SPATA16: variants seen among roughly 807,000 people sequenced by gnomAD.
SPATA16 encodes the protein spermatogenesis associated 16, also known as spermatogenesis-associated protein 16.
Under a neutral mutation model 63.3 loss-of-function variants are expected in SPATA16, and 36 were observed. The ratio of observed to expected loss-of-function variants is 0.57; its 90% confidence interval spans 0.44 to 0.75. The LOEUF is 0.75. Among genes scored for constraint, SPATA16 ranks in the 30% least tolerant of loss-of-function variants. The pLI, the probability that SPATA16 is intolerant of heterozygous loss-of-function variation, is 0.00. For missense variants in SPATA16, 646 were observed against 679.3 expected, an observed-to-expected ratio of 0.95 and a Z score of 0.54; for synonymous variants, 203 against 216.7, an observed-to-expected ratio of 0.94 and a Z score of 0.56.
At chr3:172,919,780 CA>C (rs1216383597) in intron 8 of SPATA16, among the ~76,000 whole-genome samples, 2 of 151,512 alleles carry the variant, frequency 1.3e-5, no homozygotes, top group African/African-American at 4.9e-5. Flanking sequence ...CAGGTTCAAG[CA>C]ATTCTCTTGC....
intron 3 of SPATA16, among the ~76,000 whole-genome samples, chr3:173,042,562 T>C (rs1735868198): frequency 6.6e-6 from 1 of 152,202 alleles, no homozygotes; most frequent in Non-Finnish European, 1.5e-5. Flanking sequence ...CTTATTTCTA[T>C]TACCACTGAA....
rs1735269795 is a variant in SPATA16 at position 173,019,528 on chromosome 3, G to T, written c.806C>A (p.Ala269Glu). 1.2e-6 allele frequency: 2 copies of T among 1,614,032 alleles called. No homozygotes were observed. The highest frequency in any genetic ancestry group is 1.7e-6 in the Non-Finnish European group (2 of 1,179,958). ...PAYFRNHLRQ[A>E]TVFRCLERYS... ...CCTCTCCAGACATCTAAACACTGTT[G>T]CTTGACGAAGATGATTCCGGAAATA... The change falls in exon 4 of 11, where the codon GCA becomes GAA. Residue 269 changes from alanine to glutamate, a missense_variant. Ala to Glu is a moderately radical substitution (Grantham distance 107). Coordinates refer to ENST00000351008, the MANE Select transcript of SPATA16 (RefSeq NM_031955.6).
chr3:172,900,788 A>G (rs899644609), intron 10 of SPATA16, among the ~76,000 whole-genome samples: 15 of 151,752 alleles, frequency 9.9e-5, no homozygotes, highest in African/African-American at 3.4e-4. Flanking sequence ...TTATAGGCAC[A>G]TGCCACCACG....
At chr3:173,038,507 C>T (rs1735766290) in intron 3 of SPATA16, among the ~76,000 whole-genome samples, 1 of 152,012 alleles carries the variant, frequency 6.6e-6, no homozygotes, top group Admixed American at 6.6e-5. Context: ...TTCATCAGCT[C>T]TCTATGTTTC....
chr3:173,100,883 T>A (rs1737476838), intron 2 of SPATA16, among the ~76,000 whole-genome samples: 1 of 152,054 alleles, frequency 6.6e-6, no homozygotes, highest in Admixed American at 6.6e-5. Flanking sequence ...AGAGAAAAAT[T>A]CAATAAATAT....
intron 3 of SPATA16, among the ~76,000 whole-genome samples, chr3:173,020,103 C>T (rs1290574852): frequency 6.6e-6 from 1 of 151,896 alleles, no homozygotes; most frequent in Non-Finnish European, 1.5e-5. Flanking sequence ...CAAGAACAGC[C>T]TGGCCAACAT....
At chr3:172,974,194 AATTTTTAC>A (rs1329250258) in intron 5 of SPATA16, among the ~76,000 whole-genome samples, 3 of 152,156 alleles carry the variant, frequency 2.0e-5, no homozygotes. Context: ...CGTGTTCTCA[AATTTTTAC>A]ATTCTGAAAT....
At chr3:172,894,520 C>T (rs1166376585) in intron 10 of SPATA16, among the ~76,000 whole-genome samples, 1 of 149,628 alleles carries the variant, frequency 6.7e-6, no homozygotes, top group Non-Finnish European at 1.5e-5. Context: ...AACTATATCA[C>T]CAACTCTTGA....
At chr3:173,111,420 A>C (rs1737747487) in intron 2 of SPATA16, among the ~76,000 whole-genome samples, 2 of 152,176 alleles carry the variant, frequency 1.3e-5, no homozygotes, top group Non-Finnish European at 2.9e-5. Flanking sequence ...AAATCAAAAA[A>C]CAACAACAAT....
At chr3:172,984,764 C>CCTGCTAGT (rs1447049604) in intron 4 of SPATA16, among the ~76,000 whole-genome samples, 2 of 152,120 alleles carry the variant, frequency 1.3e-5, no homozygotes, top group African/African-American at 4.8e-5. Context: ...TTACTGCCTT[C>CCTGCTAGT]CTGCTAGTCT....
intron 1 of SPATA16, among the ~76,000 whole-genome samples, chr3:173,134,516 G>T (rs781463837): frequency 6.6e-6 from 1 of 151,826 alleles, no homozygotes; most frequent in African/African-American, 2.4e-5. Flanking sequence ...GTAAGCCATT[G>T]TAAAGCAAGG....
Position 172,893,640 on chromosome 3 carries a change from C to T in SPATA16, c.1588-3948G>A, listed in dbSNP as rs149131510. On this transcript the variant is annotated intron_variant, in intron 10 of 10. Transcript: ENST00000351008. ...ATTAAGTTATAATTTTCCCCTCAAA[C>T]ATGACTTTGATCCTTTCCAAAATTA... 1.0e-3 allele frequency among the ~76,000 whole-genome samples: 156 copies of T among 152,358 alleles called. 2 individuals are homozygous for T. The highest frequency in any genetic ancestry group is 3.7e-3 in the African/African-American group (152 of 41,592).
chr3:173,138,106 G>T (rs1246305498), intron 1 of SPATA16, among the ~76,000 whole-genome samples: 1 of 151,702 alleles, frequency 6.6e-6, no homozygotes, highest in Non-Finnish European at 1.5e-5. Context: ...TTGGTGGGGG[G>T]GTGATAATGC....
At chr3:173,033,380 A>G (rs1225485345) in intron 3 of SPATA16, among the ~76,000 whole-genome samples, 1 of 152,132 alleles carries the variant, frequency 6.6e-6, no homozygotes, top group Non-Finnish European at 1.5e-5. Context: ...TCCCAACAAA[A>G]TAGTCTTTAA....
chr3:173,084,551 T>C (rs74821197), intron 2 of SPATA16, among the ~76,000 whole-genome samples: 2,322 of 152,318 alleles, frequency 0.015, 68 homozygotes, highest in African/African-American at 0.054. Flanking sequence ...GTTTTGCTTT[T>C]AGTGCAATTG....
chr3:173,030,137 C>T (rs1577140096), intron 3 of SPATA16, among the ~76,000 whole-genome samples: 1 of 151,098 alleles, frequency 6.6e-6, no homozygotes, highest in African/African-American at 2.4e-5. Flanking sequence ...TATATTCTGT[C>T]CTAGGAAGGG....
intron 2 of SPATA16, among the ~76,000 whole-genome samples, chr3:173,065,800 C>T (rs1308696564): frequency 6.6e-6 from 1 of 152,150 alleles, no homozygotes; most frequent in Non-Finnish European, 1.5e-5. Context: ...ATTAGATCAG[C>T]CCTGGGCCAG....
chr3:173,093,670 T>C (rs772476612), intron 2 of SPATA16, among the ~76,000 whole-genome samples: 7 of 152,150 alleles, frequency 4.6e-5, no homozygotes, highest in Non-Finnish European at 8.8e-5. Flanking sequence ...AGTTATGTAT[T>C]TGAGACAGAA....
At chr3:173,130,136 C>T (rs550628406) in intron 1 of SPATA16, among the ~76,000 whole-genome samples, 87 of 151,936 alleles carry the variant, frequency 5.7e-4, no homozygotes, top group African/African-American at 2.0e-3. Context: ...GTCGAGGCGG[C>T]GGATCACGAG....
Sources: gnomAD v4.1 joint callset for allele counts (sites outside exome capture counted in the v4.1 genomes callset) on GRCh38, gnomAD v4.1.1 for gene constraint, MANE v1.5 for transcripts, NCBI Gene and HGNC (gene_info 2026-07-23, HGNC 2026-07-21) for gene names.